IQCH: variants seen among roughly 807,000 people sequenced by gnomAD.
The protein encoded by IQCH is IQ motif containing H, also known as IQ domain-containing protein H.
A neutral mutation model predicts 117.0 loss-of-function variants in IQCH; 98 were observed. The observed-to-expected ratio is 0.84, with a 90% CI of 0.71 to 0.99. The LOEUF (loss-of-function observed/expected upper bound fraction) is 0.99, where lower values mean the gene tolerates loss of function less well. Among genes scored for constraint, IQCH ranks in the 50% least tolerant of loss-of-function variants. IQCH has a pLI of 0.00. For synonymous variants in IQCH, 412 were observed against 448.2 expected, an observed-to-expected ratio of 0.92 and a Z score of 1.02; for missense variants, 1,102 against 1,243.8, an observed-to-expected ratio of 0.89 and a Z score of 1.72.
At chr15:67,487,452 A>ACACG (rs1555514341) in intron 18 of IQCH, among the ~76,000 whole-genome samples, 2 of 151,774 alleles carry the variant, frequency 1.3e-5, no homozygotes, top group African/African-American at 4.8e-5. Flanking sequence ...ACACACACAC[A>ACACG]CACACAACCC....
chr15:67,299,125 A>G (rs1237351248), intron 4 of IQCH, among the ~76,000 whole-genome samples: 3 of 151,836 alleles, frequency 2.0e-5, no homozygotes, highest in African/African-American at 7.3e-5. Context: ...AACAACATGG[A>G]TAGAACTGGA....
rs542042072 is a variant in IQCH at position 67,476,004 on chromosome 15, C to T, written c.2799+186C>T. Among the ~76,000 whole-genome samples the T allele has an allele frequency of 7.2e-5, 11 of 152,336 alleles. No individual in the cohort carries two copies. Among genetic ancestry groups the T allele is most frequent in the African/African-American group, 1.9e-4 (8 of 41,582 alleles). ...AACTCCACAGAAAGTAGCACATAGT[C>T]CTGGAAAGTTCTACTTCGTCTCCAA... On this transcript the variant is annotated intron_variant, in intron 18 of 20. Transcript: ENST00000335894. This position sits in a 1 kb window ranked among gnomAD's most constrained non-coding sequence, Gnocchi z 4.1.
chr15:67,441,276 G>A (rs997023579), intron 16 of IQCH, among the ~76,000 whole-genome samples: 1 of 151,972 alleles, frequency 6.6e-6, no homozygotes, highest in Non-Finnish European at 1.5e-5. Flanking sequence ...ACTCATGGAT[G>A]GGTAGAATCA....
chr15:67,293,397 G>A (rs1966817739), intron 4 of IQCH, among the ~76,000 whole-genome samples: 1 of 152,104 alleles, frequency 6.6e-6, no homozygotes. Context: ...ATCTGTGTAT[G>A]CTCAAAACCC....
chr15:67,297,066 G>A (rs1966856707), intron 4 of IQCH, among the ~76,000 whole-genome samples: 1 of 152,176 alleles, frequency 6.6e-6, no homozygotes, highest in African/African-American at 2.4e-5. Flanking sequence ...AGGCAGTTAG[G>A]CAGCAGCTGG....
rs150700053 is a variant in IQCH, at chr15:67,475,506, G to A, written c.2677-190G>A. 1.7e-3 allele frequency among the ~76,000 whole-genome samples: 254 copies of A among 152,216 alleles called. 2 individuals carry two copies. The highest frequency in any genetic ancestry group is 3.1e-3 in the East Asian group (16 of 5,186). On this transcript the variant is annotated intron_variant, in intron 17 of 20. Transcript: ENST00000335894. This position sits in a 1 kb window ranked among gnomAD's most constrained non-coding sequence, Gnocchi z 5.7. ...AAATAAAATAAAAATAAAAAGTAAT[G>A]TAGCAATTTGTTCCCTTAGTTGTGA...
chr15:67,320,636 T>G (rs1029470332), intron 4 of IQCH, among the ~76,000 whole-genome samples: 2 of 152,192 alleles, frequency 1.3e-5, no homozygotes, highest in Admixed American at 1.3e-4. Flanking sequence ...TGTCTCAAGC[T>G]CCTTCGAAGA....
intron 19 of IQCH, among the ~76,000 whole-genome samples, chr15:67,492,809 G>T (rs2083697759): frequency 6.6e-6 from 1 of 152,172 alleles, no homozygotes; most frequent in African/African-American, 2.4e-5. Flanking sequence ...GGGCATAGAG[G>T]AACCAGGCAA....
intron 14 of IQCH, among the ~76,000 whole-genome samples, chr15:67,414,689 T>A (rs1414377201): frequency 1.3e-5 from 2 of 149,136 alleles, no homozygotes; most frequent in Non-Finnish European, 3.0e-5. Context: ...ATATAATATA[T>A]ATATGTGTAT....
At chr15:67,272,394 A>G (rs1965934873) in intron 3 of IQCH, among the ~76,000 whole-genome samples, 1 of 152,218 alleles carries the variant, frequency 6.6e-6, no homozygotes, top group Admixed American at 6.5e-5. Context: ...AAGAATGTGT[A>G]TTCTATAGCA....
chr15:67,329,172 A>C (rs1031888739), intron 4 of IQCH, among the ~76,000 whole-genome samples: 1 of 151,910 alleles, frequency 6.6e-6, no homozygotes, highest in Admixed American at 6.6e-5. Context: ...GGTGGTGTGC[A>C]CCTGTAGTTC....
rs376650522 is a variant in IQCH, at chr15:67,419,340, G to T, written c.2219-1951G>T. On this transcript the variant is annotated intron_variant, in intron 15 of 20. Coordinates refer to ENST00000335894, the MANE Select transcript of IQCH (RefSeq NM_001031715.3). ...AAGCTTCTGCCTTTCTCTCGACCCAGTGCATACAGCAGGCCCTGCATCAAT... is the reference window on the plus strand; with the variant it reads ...AAGCTTCTGCCTTTCTCTCGACCCATTGCATACAGCAGGCCCTGCATCAAT... Among the ~76,000 whole-genome samples the T allele has an allele frequency of 3.9e-5, 6 of 152,264 alleles. No homozygotes were observed. In the East Asian group the frequency reaches 7.7e-4, roughly 20 times the overall value.
chr15:67,382,936 C>G (rs1157340890), intron 10 of IQCH, among the ~76,000 whole-genome samples: 1 of 152,174 alleles, frequency 6.6e-6, no homozygotes, highest in African/African-American at 2.4e-5. Context: ...CATGTACTAC[C>G]AGCATAGATG....
At position 67,456,149 on chromosome 15, in the gene IQCH, A is replaced by ATTT. The variant is rs57180925; in HGVS notation, c.2506-8971_2506-8969dup. ...GCAAGAGTATATTAAAAGATTTGTG[A>ATTT]TTTTTTTTTACAAAGGTGAAAAGTA... On this transcript the variant is annotated intron_variant, in intron 16 of 20. Transcript: ENST00000335894. This position sits in a 1 kb window ranked among gnomAD's most constrained non-coding sequence, Gnocchi z 5.1. Among the ~76,000 whole-genome samples, 289 of 151,764 alleles carry ATTT rather than the reference A, an allele frequency of 1.9e-3. 1 individual carries two copies. Among genetic ancestry groups the ATTT allele is most frequent in the Admixed American group, 3.0e-3 (45 of 15,234 alleles).
chr15:67,342,088 T>G lies in IQCH; in HGVS notation c.509-1975T>G, dbSNP rs1969201386. On this transcript the variant is annotated intron_variant, in intron 5 of 20. Transcript: ENST00000335894. This position sits in a 1 kb window ranked among gnomAD's most constrained non-coding sequence, Gnocchi z 4.7. ...GAGTTCAAGACTAGCCTGGACAATA[T>G]AGCAAGACCTAGTCTCTACATTAAA... 6.6e-6 allele frequency among the ~76,000 whole-genome samples: 1 copy of G among 151,156 alleles called. No homozygotes were observed.
chr15:67,484,574 CAAAA>C (rs61010661), intron 18 of IQCH, among the ~76,000 whole-genome samples: 18 of 125,512 alleles, frequency 1.4e-4, no homozygotes, highest in African/African-American at 2.1e-4. Context: ...ACTAAAAATA[CAAAA>C]AAAAAAAAAA....
At chr15:67,412,354 T>C (rs777595433) in intron 14 of IQCH, among the ~76,000 whole-genome samples, 2 of 152,088 alleles carry the variant, frequency 1.3e-5, no homozygotes, top group Non-Finnish European at 2.9e-5. Context: ...TGTTACTCAA[T>C]GCAAAGCAAA....
intron 4 of IQCH, among the ~76,000 whole-genome samples, chr15:67,294,958 A>T (rs1227545601): frequency 1.3e-5 from 2 of 152,204 alleles, no homozygotes; most frequent in Admixed American, 6.5e-5. Context: ...GCTGCAGTAC[A>T]TCTCACAATG....
intron 6 of IQCH, among the ~76,000 whole-genome samples, chr15:67,345,887 G>A (rs1266460566): frequency 6.6e-6 from 1 of 152,170 alleles, no homozygotes. Flanking sequence ...AATGGAATAT[G>A]TTAACATTAA....
Sources: allele counts gnomAD v4.1 joint callset (sites outside exome capture counted in the v4.1 genomes callset), GRCh38; gene constraint gnomAD v4.1.1; non-coding constraint Gnocchi (gnomAD v3.1); transcripts MANE v1.5; gene names NCBI Gene and HGNC (gene_info 2026-07-23, HGNC 2026-07-21).